Variants in ITPRID1 observed in about 807,000 individuals in gnomAD.
ITPRID1 encodes ITPR interacting domain containing 1, also known as protein ITPRID1.
A neutral mutation model predicts 95.4 loss-of-function variants in ITPRID1; 96 were observed. The ratio of observed to expected loss-of-function variants is 1.01; its 90% CI spans 0.85 to 1.19. The LOEUF (loss-of-function observed/expected upper bound fraction) is 1.19. Among genes scored for constraint, ITPRID1 ranks in the 50% most tolerant of loss-of-function variants. The pLI, the probability that ITPRID1 is intolerant of heterozygous loss-of-function variation, is 0.00. For missense variants in ITPRID1, 1,339 were observed against 1,252.9 expected, an observed-to-expected ratio of 1.07 and a Z score of -1.04; for synonymous variants, 510 against 453.6, an observed-to-expected ratio of 1.12 and a Z score of -1.58.
At chr7:31,538,213 T>A (rs1280688293) in intron 1 of ITPRID1, among the ~76,000 whole-genome samples, 1 of 149,674 alleles carries the variant, frequency 6.7e-6, no homozygotes, top group Non-Finnish European at 1.5e-5. Context: ...ACATTTTACT[T>A]CCCCTGCTTT....
In ITPRID1 at chr7:31,554,894, C is replaced by T. The variant is rs2286711; in HGVS notation, c.249C>T (p.Asp83=). Residue 83 remains aspartate (D), a synonymous_variant, in exon 5 of 15, where the codon GAC becomes GAT. Transcript: ENST00000615280. The part of the protein sequence containing the change: ...SANENFQQVI[D]RTVSLYEQGM... ...ATGAAAACTTTCAACAAGTCATTGACCGCACTGGTAAGACAAGAGAAGCAG... is the reference window on the plus strand; with the variant it reads ...ATGAAAACTTTCAACAAGTCATTGATCGCACTGGTAAGACAAGAGAAGCAG... The T allele has an allele frequency of 0.24, 372,407 of 1,575,584 alleles. 45,506 individuals are homozygous for T. The highest frequency in any genetic ancestry group is 0.32 in the East Asian group (14,020 of 43,462).
chr7:31,612,484 A>G (rs1786918340), intron 10 of ITPRID1, among the ~76,000 whole-genome samples: 1 of 152,108 alleles, frequency 6.6e-6, no homozygotes, highest in South Asian at 2.1e-4. Context: ...GAACTTAGAT[A>G]TACTCCTAGG....
chr7:31,516,826 G>C (rs1316125311), intron 1 of ITPRID1, among the ~76,000 whole-genome samples: 2 of 152,118 alleles, frequency 1.3e-5, no homozygotes, highest in Admixed American at 6.5e-5. Context: ...GAAGTGGTGG[G>C]TTCTCGGTCT....
At chr7:31,574,460 T>G in intron 7 of ITPRID1, 80 bp from the exon 8 acceptor site, 1 of 1,205,560 alleles carries the variant, frequency 8.3e-7, no homozygotes, top group Non-Finnish European at 1.2e-6. Context: ...ATCTGGGAGA[T>G]TGGGTGGATG....
chr7:31,615,832 C>A (rs1292501816), intron 10 of ITPRID1, among the ~76,000 whole-genome samples: 1 of 151,346 alleles, frequency 6.6e-6, no homozygotes, highest in Non-Finnish European at 1.5e-5. Flanking sequence ...TGGCTCACTG[C>A]AAGCTCTGCC....
rs189731201 is a variant in ITPRID1, at chr7:31,643,753, A to T, written c.2383A>T (p.Met795Leu). 4 of 1,613,840 alleles carry T rather than the reference A, an allele frequency of 2.5e-6. No homozygotes were observed. Among genetic ancestry groups the T allele is most frequent in the South Asian group, 2.2e-5 (2 of 91,080 alleles). ...CTCAGGCTTCTCTAGTATCTGCCCA[A>T]TGGGCACCTGCCATGCTATACCTGC... is the stretch of plus-strand genomic sequence containing the variant. ...LDSGFSSICPMGTCHAIPAHC... is the reference protein window; with the variant it reads ...LDSGFSSICPLGTCHAIPAHC... Residue 795 changes from methionine to leucine, a missense_variant, in exon 12 of 15, where the codon ATG becomes TTG. Transcript: ENST00000615280.
At chr7:31,537,881 A>G (rs1165991457) in intron 1 of ITPRID1, among the ~76,000 whole-genome samples, 2 of 152,170 alleles carry the variant, frequency 1.3e-5, no homozygotes, top group East Asian at 1.9e-4. Flanking sequence ...AGATCATAGT[A>G]TACATATTTT....
intron 10 of ITPRID1, among the ~76,000 whole-genome samples, chr7:31,583,554 G>A (rs1175367784): frequency 2.0e-5 from 3 of 152,196 alleles, no homozygotes; most frequent in Non-Finnish European, 4.4e-5. Context: ...CTTGAACCCA[G>A]GAGGTGGAGG....
chr7:31,589,530 C>A (rs1785772541), intron 10 of ITPRID1, among the ~76,000 whole-genome samples: 1 of 151,920 alleles, frequency 6.6e-6, no homozygotes. Flanking sequence ...ACAAAGAAAA[C>A]CACCTAAATA....
intron 10 of ITPRID1, among the ~76,000 whole-genome samples, chr7:31,609,575 CTAATT>C (rs934587001): frequency 2.2e-4 from 33 of 151,532 alleles, no homozygotes; most frequent in African/African-American, 7.0e-4. Context: ...CCAGAGTCAT[CTAATT>C]TGTCATTCAC....
intron 10 of ITPRID1, among the ~76,000 whole-genome samples, chr7:31,637,350 C>A (rs1439966512): frequency 2.6e-5 from 4 of 152,130 alleles, no homozygotes; most frequent in Non-Finnish European, 5.9e-5. Context: ...TACAGTCCCA[C>A]CAACAGTGTA....
At chr7:31,630,230 TAG>T (rs1172752094) in intron 10 of ITPRID1, among the ~76,000 whole-genome samples, 1 of 39,184 alleles carries the variant, frequency 2.6e-5, no homozygotes, top group Non-Finnish European at 5.3e-5. Flanking sequence ...TCAAAGAAAA[TAG>T]AGTCTACTTG....
chr7:31,640,394 C>G (rs899840809), intron 10 of ITPRID1, among the ~76,000 whole-genome samples: 1 of 152,194 alleles, frequency 6.6e-6, no homozygotes, highest in Non-Finnish European at 1.5e-5. Context: ...AGAGTTCTCT[C>G]TGTGTGCAGC....
chr7:31,550,849 G>A (rs1784263840), intron 2 of ITPRID1, among the ~76,000 whole-genome samples: 1 of 142,814 alleles, frequency 7.0e-6, no homozygotes, highest in South Asian at 2.3e-4. Flanking sequence ...GAAGTTTGGG[G>A]ACGTACAAAT....
At position 31,651,127 on chromosome 7, in the gene ITPRID1, T is replaced by C; in HGVS notation, c.2584-15T>C. 6.2e-7 allele frequency: 1 copy of C among 1,609,098 alleles called. No homozygotes were observed. Among genetic ancestry groups the C allele is most frequent in the Non-Finnish European group, 8.5e-7 (1 of 1,177,620 alleles). ...AGAGAGGACTTTCTTCTCAGTTCTT[T>C]CTCATTGTTCTCAGTGCACAGTCCA... is the stretch of plus-strand genomic sequence containing the variant. On this transcript the variant is annotated splice_polypyrimidine_tract_variant and intron_variant, in intron 12 of 14. Transcript: ENST00000615280.
chr7:31,620,142 GGCCT>G (rs1241186216), intron 10 of ITPRID1, among the ~76,000 whole-genome samples: 1 of 152,186 alleles, frequency 6.6e-6, no homozygotes, highest in Non-Finnish European at 1.5e-5. Flanking sequence ...AGCTCAAGGA[GGCCT>G]GCCTGCCTCT....
chr7:31,640,629 T>G (rs11765670), intron 10 of ITPRID1, among the ~76,000 whole-genome samples: 42,291 of 151,980 alleles, frequency 0.28, 6,755 homozygotes, highest in Non-Finnish European at 0.35. Context: ...CTGAGGTCCA[T>G]TGTCTCGAAA....
At chr7:31,575,563 A>G (rs1785151024) in intron 8 of ITPRID1, among the ~76,000 whole-genome samples, 1 of 152,194 alleles carries the variant, frequency 6.6e-6, no homozygotes, top group South Asian at 2.1e-4. Context: ...TAATATGCCA[A>G]GGTGCACTTT....
chr7:31,616,732 AAGGATTATGTACAGGTG>A (rs1787271025), intron 10 of ITPRID1, among the ~76,000 whole-genome samples: 2 of 152,048 alleles, frequency 1.3e-5, no homozygotes, highest in South Asian at 2.1e-4. Context: ...GAAGCAGCAT[AAGGATTATGTACAGGTG>A]AATGAGACAA....
Sources: allele counts gnomAD v4.1 joint callset (sites outside exome capture counted in the v4.1 genomes callset), GRCh38; gene constraint gnomAD v4.1.1; transcripts MANE v1.5; gene names NCBI Gene and HGNC (gene_info 2026-07-23, HGNC 2026-07-21).